Variants in MTNR1B observed in about 807,000 individuals in gnomAD.
MTNR1B encodes melatonin receptor type 1B.
A neutral mutation model predicts 7.0 loss-of-function variants in MTNR1B; 7 were observed. The ratio of observed to expected loss-of-function variants is 1.00; its 90% CI spans 0.57 to 1.88. MTNR1B has a LOEUF of 1.88. Ranked by LOEUF, MTNR1B falls within the 40% of genes most tolerant of loss-of-function variation. The probability of loss-of-function intolerance (pLI) is 0.00; values close to 1 mark genes in which losing one functional copy is unlikely to be tolerated. For missense variants in MTNR1B, 478 were observed against 486.5 expected (o/e 0.98, Z 0.16); for synonymous variants, 226 against 208.2 (o/e 1.09, Z -0.74).
chr11:92,981,368 A>C, intron 1 of MTNR1B, 79 bp from the exon 2 acceptor site: 5 of 1,522,302 alleles, frequency 3.3e-6, no homozygotes, highest in Non-Finnish European at 4.4e-6. Flanking sequence ...GCCAAAAGTA[A>C]CTTCGTGGAG....
At chr11:92,975,312 G>T (rs1857995092) in intron 1 of MTNR1B, among the ~76,000 whole-genome samples, 1 of 152,176 alleles carries the variant, frequency 6.6e-6, no homozygotes, top group African/African-American at 2.4e-5. Flanking sequence ...TGCTGCAAAT[G>T]GGTTAAAGAG....
At chr11:92,976,929 C>A (rs1858017081) in intron 1 of MTNR1B, among the ~76,000 whole-genome samples, 1 of 152,146 alleles carries the variant, frequency 6.6e-6, no homozygotes, top group African/African-American at 2.4e-5. Context: ...TTGTGAAAAA[C>A]AATGGAGTCC....
Position 92,969,822 on chromosome 11 carries a change from A to G in MTNR1B, c.97A>G (p.Thr33Ala), listed in dbSNP as rs750337845. Reference sequence around the variant, plus strand: ...GGCTGGCAGCGCGCGGCCCTCCAGGACCCCTCGACCTCCCTGGGTGGCTCC... The same window carrying G: ...GGCTGGCAGCGCGCGGCCCTCCAGGGCCCCTCGACCTCCCTGGGTGGCTCC... ...SGAGSARPSR[T>A]PRPPWVAPAL... is the part of the protein sequence containing the mutation. The change falls in exon 1 of 2, where the codon ACC becomes GCC. Residue 33 changes from threonine to alanine, a missense_variant. Transcript: ENST00000257068. The G allele has an allele frequency of 5.6e-6, 9 of 1,593,214 alleles. No individual in the cohort carries two copies. Among genetic ancestry groups the G allele is most frequent in the Non-Finnish European group, 7.7e-6 (9 of 1,171,224 alleles).
Position 92,981,798 on chromosome 11 carries a change from T to C in MTNR1B, c.575T>C (p.Phe192Ser), listed in dbSNP as rs375405491. The C allele has an allele frequency of 5.6e-6, 9 of 1,614,070 alleles. No individual in the cohort carries two copies. In the African/African-American group the frequency reaches 9.3e-5, roughly 17 times the overall value. The change falls in exon 2 of 2, where the codon TTC becomes TCC. Residue 192 changes from phenylalanine (F) to serine (S), a missense_variant. Phe to Ser is a radical substitution (Grantham distance 155, BLOSUM62 -2). Coordinates refer to ENST00000257068, the MANE Select transcript of MTNR1B (RefSeq NM_005959.5). ...GACCCACGCATCTATTCCTGCACCTTCATCCAGACCGCCAGCACCCAGTAC... is the reference window on the plus strand; with the variant it reads ...GACCCACGCATCTATTCCTGCACCTCCATCCAGACCGCCAGCACCCAGTAC... Reference protein sequence around the residue: ...EYDPRIYSCTFIQTASTQYTA... With the variant: ...EYDPRIYSCTSIQTASTQYTA...
At chr11:92,981,242 A>T (rs978021199) in intron 1 of MTNR1B, among the ~76,000 whole-genome samples, 3 of 152,168 alleles carry the variant, frequency 2.0e-5, no homozygotes, top group African/African-American at 4.8e-5. Context: ...AATGAGGAAA[A>T]TGGGGCTCTG....
intron 1 of MTNR1B, among the ~76,000 whole-genome samples, chr11:92,973,343 C>A (rs987950667): frequency 6.6e-6 from 1 of 152,134 alleles, no homozygotes; most frequent in Non-Finnish European, 1.5e-5. Context: ...TTTTCCTGCT[C>A]CCTCCCCCAG....
chr11:92,973,005 T>G (rs942597795), intron 1 of MTNR1B, among the ~76,000 whole-genome samples: 24 of 152,132 alleles, frequency 1.6e-4, no homozygotes, highest in Non-Finnish European at 1.3e-4. Context: ...CCCCATTGCT[T>G]CCCGTCCTTC....
chr11:92,971,478 A>T (rs1857922005), intron 1 of MTNR1B, among the ~76,000 whole-genome samples: 1 of 152,238 alleles, frequency 6.6e-6, no homozygotes, highest in Non-Finnish European at 1.5e-5. Context: ...AGAAAACTGC[A>T]TTTAATATTT....
chr11:92,984,202 C>A (rs2134502083), downstream of MTNR1B, among the ~76,000 whole-genome samples: 1 of 152,276 alleles, frequency 6.6e-6, no homozygotes, highest in East Asian at 1.9e-4. Context: ...TCTGGCCTTG[C>A]AATGTGAGGA....
At position 92,981,554 on chromosome 11, in the gene MTNR1B, G is replaced by A. The variant is rs1858103041; in HGVS notation, c.331G>A (p.Glu111Lys). 1 of 1,614,138 alleles carries A rather than the reference G, an allele frequency of 6.2e-7. No individual in the cohort carries two copies. The highest frequency in any genetic ancestry group is 8.5e-7 in the Non-Finnish European group (1 of 1,180,030). ...CTATGACGGCTGGGCCCTGGGGGAG[G>A]AGCACTGCAAGGCCAGCGCCTTTGT... ...IFYDGWALGE[E>K]HCKASAFVMG... The change falls in exon 2 of 2, where the codon GAG becomes AAG. Residue 111 changes from glutamate (E) to lysine (K), a missense_variant. Transcript: ENST00000257068.
At chr11:92,972,710 C>T in intron 1 of MTNR1B, 2 of 366,078 alleles carry the variant, frequency 5.5e-6, no homozygotes, top group Non-Finnish European at 1.1e-5. Context: ...ACACTTTTGA[C>T]TCTACTGAGA....
intron 1 of MTNR1B, among the ~76,000 whole-genome samples, chr11:92,971,208 G>A (rs528026030): frequency 2.0e-5 from 3 of 151,948 alleles, no homozygotes; most frequent in Admixed American, 6.6e-5. Context: ...TGATCCACCC[G>A]CCTCGGCCTC....
chr11:92,973,030 C>T (rs913650456), intron 1 of MTNR1B, among the ~76,000 whole-genome samples: 7 of 152,194 alleles, frequency 4.6e-5, no homozygotes, highest in East Asian at 1.9e-4. Context: ...GTCCTCTGGG[C>T]GCCATTCTCT....
downstream of MTNR1B, among the ~76,000 whole-genome samples, chr11:92,982,945 C>CT (rs770213452): frequency 1.1e-5 from 1 of 93,160 alleles, no homozygotes; most frequent in African/African-American, 4.4e-5. Context: ...CACCCCCCCC[C>CT]CCCACACACA....
chr11:92,972,798 T>C (rs903693964), intron 1 of MTNR1B, among the ~76,000 whole-genome samples: 8 of 152,190 alleles, frequency 5.3e-5, no homozygotes, highest in African/African-American at 1.9e-4. Context: ...ATTTATCTCT[T>C]GCATTTTTGA....
Position 92,982,569 on chromosome 11 carries a change from A to G in MTNR1B, c.*257A>G. 2.0e-6 allele frequency: 1 copy of G among 509,354 alleles called. No homozygotes were observed. The highest frequency in any genetic ancestry group is 3.5e-6 in the Non-Finnish European group (1 of 287,148). 31.6% of individuals were successfully genotyped at this position (509,354 alleles called of 1,614,324 possible). On this transcript the variant is annotated 3_prime_UTR_variant, in exon 2 of 2. Transcript: ENST00000257068. The stretch of plus-strand genomic sequence containing the variant: ...TTGGGGATTTGGTGCACACAAGACC[A>G]AGGAAAGGACAGAATGAGGAAAGGC...
rs535552941 is a variant in MTNR1B at position 92,979,301 on chromosome 11, T to C, written c.224-2146T>C. The stretch of plus-strand genomic sequence containing the variant: ...ATGTGAGAGAGGGAATCCCTCATGT[T>C]CTTGGAACCAAGTGAGGTCTGTGTA... On this transcript the variant is annotated intron_variant, in intron 1 of 1. Coordinates refer to ENST00000257068, the MANE Select transcript of MTNR1B (RefSeq NM_005959.5). Among the ~76,000 whole-genome samples, 3 of 152,308 alleles carry C rather than the reference T, an allele frequency of 2.0e-5. No individual in the cohort carries two copies. In the South Asian group the frequency reaches 6.2e-4, roughly 32 times the overall value.
At chr11:92,974,360 T>C (rs1388612779) in intron 1 of MTNR1B, among the ~76,000 whole-genome samples, 1 of 152,230 alleles carries the variant, frequency 6.6e-6, no homozygotes, top group Admixed American at 6.5e-5. Flanking sequence ...GACTTGCTCT[T>C]CCTTGCCTTC....
intron 1 of MTNR1B, among the ~76,000 whole-genome samples, chr11:92,975,836 G>A (rs1411412667): frequency 6.6e-6 from 1 of 152,074 alleles, no homozygotes; most frequent in African/African-American, 2.4e-5. Flanking sequence ...TCCTACCACC[G>A]ACCACTCATT....
Sources: allele counts gnomAD v4.1 joint callset (sites outside exome capture counted in the v4.1 genomes callset), GRCh38; gene constraint gnomAD v4.1.1; transcripts MANE v1.5; gene names NCBI Gene and HGNC (gene_info 2026-07-23, HGNC 2026-07-21).